Variants in RSRC1 observed in about 807,000 individuals in gnomAD.
The protein encoded by RSRC1 is arginine and serine rich coiled-coil 1.
A neutral mutation model predicts 49.1 loss-of-function variants in RSRC1; 39 were observed. The observed-to-expected ratio is 0.79, with a 90% CI of 0.61 to 1.04. The LOEUF is 1.04. Ranked by LOEUF, RSRC1 falls within the 50% of genes least tolerant of loss-of-function variation. The pLI is 0.00. For missense variants in RSRC1, 388 were observed against 402.4 expected (o/e 0.96, Z 0.31); for synonymous variants, 143 against 130.8 (o/e 1.09, Z -0.63).
In RSRC1 at chr3:158,327,966, G is replaced by C. The variant is rs566930652; in HGVS notation, c.532-26891G>C. On this transcript the variant is annotated intron_variant, in intron 5 of 9. Transcript: ENST00000611884. ...GATAGTTAGCTCTTCTTGTTGAATT[G>C]ATCCCTTTACCATTATGTAATGGCC... 3.3e-5 allele frequency among the ~76,000 whole-genome samples: 5 copies of C among 152,302 alleles called. No homozygotes were observed. The South Asian group carries it at 1.0e-3, about 32-fold the overall frequency.
intron 5 of RSRC1, among the ~76,000 whole-genome samples, chr3:158,301,370 G>A (rs1727540389): frequency 6.6e-6 from 1 of 152,120 alleles, no homozygotes; most frequent in Non-Finnish European, 1.5e-5. Context: ...GCATTCTACA[G>A]TAAGGAAGAG....
chr3:158,455,883 G>A (rs533391310), intron 6 of RSRC1, among the ~76,000 whole-genome samples: 1 of 150,148 alleles, frequency 6.7e-6, no homozygotes, highest in Non-Finnish European at 1.5e-5. Flanking sequence ...GAGAGGCTGA[G>A]GCAGGAGAAT....
intron 5 of RSRC1, among the ~76,000 whole-genome samples, chr3:158,308,362 C>G (rs1022933308): frequency 2.6e-5 from 4 of 151,888 alleles, no homozygotes; most frequent in Non-Finnish European, 5.9e-5. Flanking sequence ...AATCTGCAAA[C>G]AGATTTTCAT....
intron 6 of RSRC1, among the ~76,000 whole-genome samples, chr3:158,421,980 T>C (rs1351993996): frequency 6.6e-6 from 1 of 151,868 alleles, no homozygotes; most frequent in Non-Finnish European, 1.5e-5. Context: ...AATAGAAGCT[T>C]TTTTGATGAT....
At chr3:158,465,334 G>A (rs1161255374) in intron 7 of RSRC1, among the ~76,000 whole-genome samples, 1 of 152,076 alleles carries the variant, frequency 6.6e-6, no homozygotes, top group Non-Finnish European at 1.5e-5. Flanking sequence ...CCCGTGCTTT[G>A]TAGTTTCTAG....
At chr3:158,513,824 A>C (rs1479026344) in intron 7 of RSRC1, among the ~76,000 whole-genome samples, 2 of 152,168 alleles carry the variant, frequency 1.3e-5, no homozygotes, top group African/African-American at 4.8e-5. Context: ...CAGAGATTCA[A>C]CTTCTTCCTG....
intron 4 of RSRC1, among the ~76,000 whole-genome samples, chr3:158,271,178 T>C (rs1725496627): frequency 6.6e-6 from 1 of 152,168 alleles, no homozygotes; most frequent in Non-Finnish European, 1.5e-5. Flanking sequence ...AAGTCCTTCA[T>C]AGACATTTGT....
intron 3 of RSRC1, among the ~76,000 whole-genome samples, chr3:158,139,494 A>G (rs1454664683): frequency 6.6e-6 from 1 of 152,192 alleles, no homozygotes; most frequent in Admixed American, 6.5e-5. Flanking sequence ...ATAGTACCAT[A>G]CGAAACTGCA....
At chr3:158,321,395 A>G (rs1234819237) in intron 5 of RSRC1, among the ~76,000 whole-genome samples, 2 of 151,552 alleles carry the variant, frequency 1.3e-5, no homozygotes, top group Non-Finnish European at 2.9e-5. Flanking sequence ...GATTTGATGT[A>G]TATTCTAAAA....
chr3:158,416,102 A>G (rs1271990930), intron 6 of RSRC1, among the ~76,000 whole-genome samples: 1 of 151,898 alleles, frequency 6.6e-6, no homozygotes, highest in Non-Finnish European at 1.5e-5. Flanking sequence ...TTATTTTGTC[A>G]TTTTATATCT....
intron 7 of RSRC1, among the ~76,000 whole-genome samples, chr3:158,532,103 G>A (rs540601677): frequency 6.6e-6 from 1 of 151,872 alleles, no homozygotes; most frequent in South Asian, 2.1e-4. Context: ...TATTATTTAT[G>A]TATTTGTAGC....
intron 6 of RSRC1, among the ~76,000 whole-genome samples, chr3:158,452,324 T>C (rs1232488473): frequency 6.6e-6 from 1 of 152,158 alleles, no homozygotes; most frequent in Non-Finnish European, 1.5e-5. Context: ...TTAGAAATTA[T>C]TGGAAAATAG....
intron 6 of RSRC1, among the ~76,000 whole-genome samples, chr3:158,356,756 G>C (rs934815069): frequency 6.6e-6 from 1 of 151,856 alleles, no homozygotes; most frequent in Non-Finnish European, 1.5e-5. Context: ...TTGCTTTGAA[G>C]GAAAATATTT....
chr3:158,329,653 G>T (rs895044459), intron 5 of RSRC1, among the ~76,000 whole-genome samples: 3 of 152,184 alleles, frequency 2.0e-5, no homozygotes, highest in African/African-American at 7.2e-5. Flanking sequence ...CCCTACTGGG[G>T]GGTGCCTCCC....
At chr3:158,250,565 A>C (rs1270427197) in intron 4 of RSRC1, among the ~76,000 whole-genome samples, 1 of 152,214 alleles carries the variant, frequency 6.6e-6, no homozygotes, top group Admixed American at 6.5e-5. Context: ...TCTGATGATC[A>C]GTGATGTTGA....
At chr3:158,321,575 T>TTA (rs563857257) in intron 5 of RSRC1, among the ~76,000 whole-genome samples, 7 of 148,032 alleles carry the variant, frequency 4.7e-5, no homozygotes, top group African/African-American at 1.2e-4. Flanking sequence ...TTTTTTTTTT[T>TTA]AAACACACTA....
chr3:158,474,840 C>T (rs1176011034), intron 7 of RSRC1, among the ~76,000 whole-genome samples: 1 of 152,100 alleles, frequency 6.6e-6, no homozygotes, highest in African/African-American at 2.4e-5. Flanking sequence ...ATAGTTTGAC[C>T]AAATCTCCCT....
chr3:158,158,393 T>C (rs1718009311), intron 3 of RSRC1, among the ~76,000 whole-genome samples: 1 of 152,206 alleles, frequency 6.6e-6, no homozygotes, highest in African/African-American at 2.4e-5. Flanking sequence ...GAACTATTAC[T>C]GTGTGTATAC....
intron 6 of RSRC1, among the ~76,000 whole-genome samples, chr3:158,404,946 G>T (rs1371738139): frequency 6.6e-6 from 1 of 151,860 alleles, no homozygotes; most frequent in African/African-American, 2.4e-5. Context: ...TTTTCAAGGA[G>T]TAAAGTCATT....
Sources: allele counts gnomAD v4.1 joint callset (sites outside exome capture counted in the v4.1 genomes callset), GRCh38; gene constraint gnomAD v4.1.1; transcripts MANE v1.5; gene names NCBI Gene and HGNC (gene_info 2026-07-23, HGNC 2026-07-21).